ZNF91: variants seen among roughly 807,000 people sequenced by gnomAD.
ZNF91 encodes zinc finger protein 91 (HPF7, HTF10).
In ZNF91, 7 loss-of-function variants were observed where a neutral mutation model predicts 12.6. The ratio of observed to expected loss-of-function variants is 0.55; its 90% CI spans 0.31 to 1.04. The LOEUF is 1.04. Among genes scored for constraint, ZNF91 ranks in the 50% least tolerant of loss-of-function variants. ZNF91 has a pLI of 0.05. For missense variants in ZNF91, 1,217 were observed against 1,385.4 expected, an observed-to-expected ratio of 0.88 and a Z score of 1.93; for synonymous variants, 453 against 462.6, an observed-to-expected ratio of 0.98 and a Z score of 0.27.
At chr19:23,338,660 T>TTAAA (rs1555735005), downstream of ZNF91, 12 of 146,714 alleles carry the variant, frequency 8.2e-5, no homozygotes, top group Non-Finnish European at 1.0e-4. Flanking sequence ...CAAAGACAGA[T>TTAAA]AAAAAAATAA....
downstream of ZNF91, among the ~76,000 whole-genome samples, chr19:23,355,276 G>A (rs1968457530): frequency 6.6e-6 from 1 of 152,104 alleles, no homozygotes; most frequent in African/African-American, 2.4e-5. Flanking sequence ...TAGACCAATG[G>A]AACAGAGAAC....
At chr19:23,352,657 G>T (rs1191289950) in intron 3 of ZNF91, among the ~76,000 whole-genome samples, 1 of 152,050 alleles carries the variant, frequency 6.6e-6, no homozygotes, top group Non-Finnish European at 1.5e-5. Context: ...CCAATTAAAG[G>T]ACACAGAACT....
intron 1 of ZNF91, chr19:23,310,533 C>G (rs112741205): frequency 7.8e-4 from 119 of 152,308 alleles, no homozygotes; most frequent in African/African-American, 2.7e-3. Flanking sequence ...ATACAGGAAG[C>G]ATTGACTCTC....
At chr19:23,346,045 C>T (rs556983772) in intron 3 of ZNF91, among the ~76,000 whole-genome samples, 3 of 152,238 alleles carry the variant, frequency 2.0e-5, no homozygotes, top group South Asian at 2.1e-4. Flanking sequence ...CTTACTTCAG[C>T]GGCTGTGCTA....
chr19:23,357,456 T>C (rs1968520280), downstream of ZNF91, among the ~76,000 whole-genome samples: 1 of 152,196 alleles, frequency 6.6e-6, no homozygotes, highest in Non-Finnish European at 1.5e-5. Flanking sequence ...TGTAGTAAAT[T>C]AGACACCTCC....
chr19:23,389,861 C>A (rs1163330264), intron 1 of ZNF91, among the ~76,000 whole-genome samples: 1 of 152,190 alleles, frequency 6.6e-6, no homozygotes, highest in East Asian at 1.9e-4. Context: ...ACATTGTCCT[C>A]ACTGCAGATG....
intron 1 of ZNF91, among the ~76,000 whole-genome samples, chr19:23,315,908 T>C (rs866850539): frequency 6.6e-6 from 1 of 152,168 alleles, no homozygotes; most frequent in Non-Finnish European, 1.5e-5. Context: ...CAAGGAGGCA[T>C]TGTGTGTATC....
intron 3 of ZNF91, among the ~76,000 whole-genome samples, chr19:23,350,983 T>C (rs1224177088): frequency 6.6e-6 from 1 of 151,912 alleles, no homozygotes; most frequent in Non-Finnish European, 1.5e-5. Context: ...TTCGAACCAA[T>C]ATAAGAGCCT....
At chr19:23,350,806 G>A (rs1008532973) in intron 3 of ZNF91, among the ~76,000 whole-genome samples, 3 of 152,026 alleles carry the variant, frequency 2.0e-5, no homozygotes, top group Non-Finnish European at 4.4e-5. Flanking sequence ...TGTAACAGTT[G>A]CGTCAGACTG....
At chr19:23,379,158 G>A (rs1969609599) in intron 1 of ZNF91, among the ~76,000 whole-genome samples, 1 of 152,132 alleles carries the variant, frequency 6.6e-6, no homozygotes, top group Non-Finnish European at 1.5e-5. Flanking sequence ...CCAATAATAA[G>A]CCAGCAAGAG....
chr19:23,378,201 T>C (rs1969574768), intron 1 of ZNF91, among the ~76,000 whole-genome samples: 1 of 152,206 alleles, frequency 6.6e-6, no homozygotes. Flanking sequence ...TATTTTTCCA[T>C]TTATCTGCTA....
chr19:23,391,703 T>G (rs1463625083), intron 1 of ZNF91, among the ~76,000 whole-genome samples: 1 of 152,146 alleles, frequency 6.6e-6, no homozygotes, highest in South Asian at 2.1e-4. Flanking sequence ...TGCATCTGCG[T>G]GTGGGTTGCC....
At chr19:23,323,242 CCTTT>C (rs1161224376) in intron 1 of ZNF91, among the ~76,000 whole-genome samples, 1 of 147,214 alleles carries the variant, frequency 6.8e-6, no homozygotes, top group Non-Finnish European at 1.5e-5. Flanking sequence ...CTTCTCCTCT[CCTTT>C]CTCCTCTCCT....
chr19:23,358,808 C>T lies in ZNF91; in HGVS notation c.*595G>A, dbSNP rs763563169. ...TAGGATTTCTCAGCAGCATGATTTT[C>T]TTGATGTTTAGAAAAGTTTGACTTG... On this transcript the variant is annotated 3_prime_UTR_variant, in exon 4 of 4. Coordinates refer to ENST00000300619, the MANE Select transcript of ZNF91 (RefSeq NM_003430.4). 49 of 166,042 alleles carry T rather than the reference C, an allele frequency of 3.0e-4. No homozygotes were observed. Among genetic ancestry groups the T allele is most frequent in the Non-Finnish European group, 5.8e-4 (43 of 73,642 alleles). 10.3% of individuals were successfully genotyped at this position (166,042 alleles called of 1,614,324 possible).
chr19:23,363,523 T>G (rs951692390), intron 3 of ZNF91, among the ~76,000 whole-genome samples: 1 of 152,224 alleles, frequency 6.6e-6, no homozygotes. Flanking sequence ...AAGAACATAT[T>G]TGAGAAATTC....
At chr19:23,323,479 C>T (rs373365554) in intron 1 of ZNF91, among the ~76,000 whole-genome samples, 1 of 125,582 alleles carries the variant, frequency 8.0e-6, no homozygotes, top group African/African-American at 3.5e-5. Context: ...TCTTCTCCTC[C>T]GTCTTCTTCC....
intron 3 of ZNF91, among the ~76,000 whole-genome samples, chr19:23,347,123 C>A (rs1301746376): frequency 6.6e-6 from 1 of 151,890 alleles, no homozygotes; most frequent in Non-Finnish European, 1.5e-5. Context: ...ACCCCCCCTA[C>A]ACACTGTTCA....
At chr19:23,366,177 G>A (rs533818231) in intron 3 of ZNF91, among the ~76,000 whole-genome samples, 2 of 152,198 alleles carry the variant, frequency 1.3e-5, no homozygotes, top group East Asian at 3.9e-4. Flanking sequence ...CCCGGATGGG[G>A]TGGCTGGCCC....
chr19:23,350,377 T>C (rs1968332848), intron 3 of ZNF91, among the ~76,000 whole-genome samples: 2 of 152,162 alleles, frequency 1.3e-5, no homozygotes. Context: ...TTCTCTCCTG[T>C]GTTATCCCAC....
Sources: allele counts gnomAD v4.1 joint callset (sites outside exome capture counted in the v4.1 genomes callset), GRCh38; gene constraint gnomAD v4.1.1; transcripts MANE v1.5; gene names NCBI Gene and HGNC (gene_info 2026-07-23, HGNC 2026-07-21).